TDRD3: variants seen among roughly 807,000 people sequenced by gnomAD.
The protein encoded by TDRD3 is tudor domain containing 3.
Under a neutral mutation model 86.7 loss-of-function variants are expected in TDRD3, and 45 were observed. The ratio of observed to expected loss-of-function variants is 0.52; its 90% confidence interval spans 0.41 to 0.67. The LOEUF (loss-of-function observed/expected upper bound fraction) is 0.67, where lower values mean the gene tolerates loss of function less well. Among genes scored for constraint, TDRD3 ranks in the 30% least tolerant of loss-of-function variants. The pLI, the probability that TDRD3 is intolerant of heterozygous loss-of-function variation, is 0.00. For missense variants in TDRD3, 814 were observed against 889.0 expected (o/e 0.92, Z 1.07); for synonymous variants, 298 against 301.7 (o/e 0.99, Z 0.13).
At chr13:60,454,783 A>G (rs888394357) in intron 3 of TDRD3, among the ~76,000 whole-genome samples, 3 of 152,050 alleles carry the variant, frequency 2.0e-5, no homozygotes, top group Non-Finnish European at 4.4e-5. Flanking sequence ...AATTTCTAAC[A>G]ATGTATATTT....
intron 5 of TDRD3, 148 bp downstream of exon 5, chr13:60,467,527 C>T (rs552957946): frequency 2.3e-6 from 2 of 869,716 alleles, no homozygotes; most frequent in Non-Finnish European, 3.4e-6. Flanking sequence ...CTATCTTTGT[C>T]TAAGTGTATT....
chr13:60,545,582 C>T (rs1464314494), intron 12 of TDRD3, among the ~76,000 whole-genome samples: 2 of 151,926 alleles, frequency 1.3e-5, no homozygotes, highest in African/African-American at 4.8e-5. Flanking sequence ...TGACTTAGGA[C>T]ACTAGTGACC....
At chr13:60,459,445 A>G (rs1313455134) in intron 3 of TDRD3, among the ~76,000 whole-genome samples, 1 of 152,234 alleles carries the variant, frequency 6.6e-6, no homozygotes, top group Non-Finnish European at 1.5e-5. Context: ...GCCAACACAT[A>G]TAATACAGCA....
intron 1 of TDRD3, among the ~76,000 whole-genome samples, chr13:60,425,950 G>C (rs570955397): frequency 5.9e-5 from 9 of 152,206 alleles, no homozygotes; most frequent in African/African-American, 2.2e-4. Context: ...TATTGGTAAG[G>C]CTTCTGGTCA....
intron 5 of TDRD3, among the ~76,000 whole-genome samples, chr13:60,469,418 C>T (rs1432978161): frequency 6.6e-6 from 1 of 150,492 alleles, no homozygotes; most frequent in African/African-American, 2.5e-5. Context: ...ACCTTCTCAC[C>T]AACACACACA....
At chr13:60,474,755 T>G (rs753447190) in intron 5 of TDRD3, among the ~76,000 whole-genome samples, 1 of 152,208 alleles carries the variant, frequency 6.6e-6, no homozygotes, top group Non-Finnish European at 1.5e-5. Flanking sequence ...AAAAGATATT[T>G]TTGTCTTTCT....
chr13:60,481,002 T>A (rs766100482), intron 5 of TDRD3, among the ~76,000 whole-genome samples: 5 of 151,732 alleles, frequency 3.3e-5, no homozygotes, highest in Non-Finnish European at 7.4e-5. Flanking sequence ...TCTAATAGGG[T>A]GGCAGGGATT....
At chr13:60,469,276 G>C (rs1167964993) in intron 5 of TDRD3, among the ~76,000 whole-genome samples, 5 of 151,976 alleles carry the variant, frequency 3.3e-5, no homozygotes, top group Admixed American at 1.3e-4. Flanking sequence ...TGATATAATT[G>C]TATTTTTTTA....
At chr13:60,398,716 G>C (rs1954011155) in intron 1 of TDRD3, among the ~76,000 whole-genome samples, 1 of 152,262 alleles carries the variant, frequency 6.6e-6, no homozygotes, top group African/African-American at 2.4e-5. Context: ...GTTGAGCACA[G>C]AGGGCCTGGC....
intron 3 of TDRD3, among the ~76,000 whole-genome samples, chr13:60,446,414 G>A (rs112065023): frequency 0.017 from 2,516 of 152,074 alleles, 25 homozygotes; most frequent in Middle Eastern, 0.048. Flanking sequence ...TTTTAGTAGA[G>A]ATGGATTTCT....
intron 8 of TDRD3, among the ~76,000 whole-genome samples, chr13:60,495,787 C>T (rs980086703): frequency 6.6e-6 from 1 of 152,004 alleles, no homozygotes; most frequent in African/African-American, 2.4e-5. Context: ...TTTTTAAGGA[C>T]AAGTTGGTGG....
chr13:60,409,240 A>G (rs1216494498), intron 1 of TDRD3, among the ~76,000 whole-genome samples: 1 of 152,250 alleles, frequency 6.6e-6, no homozygotes, highest in Non-Finnish European at 1.5e-5. Context: ...CTGCTGGGAT[A>G]GAGCCCTCAT....
chr13:60,528,374 A>G lies in TDRD3; in HGVS notation c.1149A>G (p.Lys383=), dbSNP rs1595073492. ...TATACTTTTACCTTTCAGAACCTAA[A>G]TCACAGCCACAGCAGCTTCATCAGG... ...KMGTLNVEEP[K]SQPQQLHQGQ... The change falls in exon 11 of 14, where the codon AAA becomes AAG. Residue 383 remains lysine (K), a synonymous_variant. Coordinates refer to ENST00000377881, the MANE Select transcript of TDRD3 (RefSeq NM_001146070.2). 6.2e-7 allele frequency: 1 copy of G among 1,600,604 alleles called. No individual in the cohort carries two copies. The highest frequency in any genetic ancestry group is 8.5e-7 in the Non-Finnish European group (1 of 1,173,002).
At chr13:60,419,797 A>T (rs569050352) in intron 1 of TDRD3, among the ~76,000 whole-genome samples, 2 of 152,302 alleles carry the variant, frequency 1.3e-5, no homozygotes, top group African/African-American at 4.8e-5. Flanking sequence ...CTTAAAGTAA[A>T]ATAAAAAAAA....
rs112736210 is a variant in TDRD3, at chr13:60,406,296, C to G, written c.41+8891C>G. On this transcript the variant is annotated intron_variant, in intron 1 of 13. Coordinates refer to ENST00000377881, the MANE Select transcript of TDRD3 (RefSeq NM_001146070.2). ...ATTAGACAAATATGGCTACTGATCACTTGAAATATGTCTAGTCTAAATTCA... is the reference window on the plus strand; with the variant it reads ...ATTAGACAAATATGGCTACTGATCAGTTGAAATATGTCTAGTCTAAATTCA... Among the ~76,000 whole-genome samples the G allele has an allele frequency of 3.4e-3, 514 of 152,228 alleles. 4 individuals are homozygous for G. Among genetic ancestry groups the G allele is most frequent in the African/African-American group, 0.012 (490 of 41,528 alleles).
chr13:60,543,068 T>G (rs1214316710), intron 12 of TDRD3, among the ~76,000 whole-genome samples: 4 of 152,188 alleles, frequency 2.6e-5, no homozygotes, highest in African/African-American at 9.6e-5. Context: ...TTTTACATTT[T>G]GGCTTGAAAT....
intron 5 of TDRD3, among the ~76,000 whole-genome samples, chr13:60,479,570 G>A (rs1320017717): frequency 1.3e-5 from 2 of 152,166 alleles, no homozygotes; most frequent in African/African-American, 4.8e-5. Flanking sequence ...CTGCATTGAT[G>A]ATTTGTCTAA....
chr13:60,483,752 T>G (rs768399218), intron 5 of TDRD3, 23 bp from the exon 6 acceptor site: 1 of 1,598,912 alleles, frequency 6.3e-7, no homozygotes, highest in Non-Finnish European at 8.5e-7. Flanking sequence ...AACTGCTCTT[T>G]TGTGACTGGA....
intron 13 of TDRD3, among the ~76,000 whole-genome samples, chr13:60,570,707 T>C (rs962626580): frequency 3.9e-5 from 6 of 152,178 alleles, no homozygotes; most frequent in Non-Finnish European, 7.3e-5. Flanking sequence ...TCAGGGCTGT[T>C]GAAGGCAGGT....
Sources: gnomAD v4.1 joint callset for allele counts (sites outside exome capture counted in the v4.1 genomes callset) on GRCh38, gnomAD v4.1.1 for gene constraint, MANE v1.5 for transcripts, NCBI Gene and HGNC (gene_info 2026-07-23, HGNC 2026-07-21) for gene names.